The following DSCAM variants were observed in gnomAD, a reference collection of about 807,000 sequenced individuals.
DSCAM encodes DS cell adhesion molecule.
In DSCAM, 47 loss-of-function variants were observed where a neutral mutation model predicts 217.7. The ratio of observed to expected loss-of-function variants is 0.22; its 90% CI spans 0.17 to 0.28. DSCAM has a LOEUF of 0.28. DSCAM is among the 10% of genes least tolerant of loss of function. DSCAM has a pLI of 1.00. For missense variants in DSCAM, 2,080 were observed against 2,618.3 expected (o/e 0.79, Z 4.49); for synonymous variants, 1,056 against 1,015.3 (o/e 1.04, Z -0.76).
At chr21:40,225,409 C>A (rs910949491) in intron 11 of DSCAM, among the ~76,000 whole-genome samples, 1 of 152,134 alleles carries the variant, frequency 6.6e-6, no homozygotes, top group Non-Finnish European at 1.5e-5. Context: ...TCTCAAAACC[C>A]CTTACCCACA....
chr21:40,042,763 C>A, intron 31 of DSCAM, 90 bp from the exon 32 acceptor site: 1 of 1,299,386 alleles, frequency 7.7e-7, no homozygotes, highest in Non-Finnish European at 1.0e-6. Context: ...GGGCTGTTTT[C>A]TTCCAGATCA....
intron 3 of DSCAM, among the ~76,000 whole-genome samples, chr21:40,606,081 G>A (rs1186068288): frequency 6.6e-6 from 1 of 152,080 alleles, no homozygotes; most frequent in East Asian, 1.9e-4. Context: ...GATTACAGAT[G>A]TGAGCCACTG....
chr21:40,321,850 T>A (rs1224055285), intron 8 of DSCAM, among the ~76,000 whole-genome samples: 1 of 152,156 alleles, frequency 6.6e-6, no homozygotes, highest in Non-Finnish European at 1.5e-5. Context: ...CAACTGCACC[T>A]GACCCACCTC....
chr21:40,606,111 C>G (rs1259746444), intron 3 of DSCAM, among the ~76,000 whole-genome samples: 1 of 152,180 alleles, frequency 6.6e-6, no homozygotes, highest in Non-Finnish European at 1.5e-5. Flanking sequence ...AATGCACATT[C>G]TTATTTCCAT....
chr21:40,175,807 A>ACACACACACACG (rs531907462), intron 15 of DSCAM, among the ~76,000 whole-genome samples: 1 of 88,176 alleles, frequency 1.1e-5, no homozygotes, highest in Non-Finnish European at 2.6e-5. Flanking sequence ...ACACACACAC[A>ACACACACACACG]CGCACACACA....
At position 40,619,458 on chromosome 21, in the gene DSCAM, T is replaced by C. The variant is rs536898322; in HGVS notation, c.508+73352A>G. Among the ~76,000 whole-genome samples, 12 of 152,318 alleles carry C rather than the reference T, an allele frequency of 7.9e-5. No individual in the cohort carries two copies. In the South Asian group the frequency reaches 2.5e-3, roughly 32 times the overall value. ...TTTCAACAAAATATAATTTACCTATTGTTACGCAGTTCATATTTCTCCATT... is the reference window on the plus strand; with the variant it reads ...TTTCAACAAAATATAATTTACCTATCGTTACGCAGTTCATATTTCTCCATT... On this transcript the variant is annotated intron_variant, in intron 3 of 32. Coordinates refer to ENST00000400454, the MANE Select transcript of DSCAM (RefSeq NM_001389.5).
chr21:40,671,346 C>T (rs1003419733), intron 3 of DSCAM, among the ~76,000 whole-genome samples: 2 of 152,280 alleles, frequency 1.3e-5, no homozygotes, highest in African/African-American at 2.4e-5. Flanking sequence ...GGCGAACAGA[C>T]TAGCCTGAAC....
chr21:40,072,646 C>G (rs1421778331), intron 27 of DSCAM, among the ~76,000 whole-genome samples: 1 of 152,110 alleles, frequency 6.6e-6, no homozygotes, highest in Non-Finnish European at 1.5e-5. Flanking sequence ...CCGCACCCGG[C>G]CTCTCCTGTC....
chr21:40,319,557 A>G (rs2074237372), intron 8 of DSCAM, among the ~76,000 whole-genome samples: 1 of 152,204 alleles, frequency 6.6e-6, no homozygotes, highest in South Asian at 2.1e-4. Flanking sequence ...GTGGGATCAC[A>G]GGTACCCCCT....
intron 3 of DSCAM, among the ~76,000 whole-genome samples, chr21:40,412,804 T>C (rs544069319): frequency 6.6e-6 from 1 of 152,268 alleles, no homozygotes; most frequent in South Asian, 2.1e-4. Flanking sequence ...CCCAAGACAA[T>C]GGGGAAAATG....
chr21:40,224,028 T>C (rs962210386), intron 11 of DSCAM, among the ~76,000 whole-genome samples: 2 of 152,210 alleles, frequency 1.3e-5, no homozygotes, highest in African/African-American at 4.8e-5. Context: ...TGAAGCAAAA[T>C]GAATTTCTCA....
At chr21:40,422,055 G>A (rs2075429834) in intron 3 of DSCAM, among the ~76,000 whole-genome samples, 1 of 152,200 alleles carries the variant, frequency 6.6e-6, no homozygotes, top group East Asian at 1.9e-4. Context: ...TTAGACAAGG[G>A]ATGGCAATTA....
chr21:40,453,188 C>A (rs571032416), intron 3 of DSCAM, among the ~76,000 whole-genome samples: 1 of 151,844 alleles, frequency 6.6e-6, no homozygotes, highest in African/African-American at 2.4e-5. Context: ...TAATGTATAA[C>A]CTTTTTATCT....
rs1299924468 is a variant in DSCAM at position 40,744,779 on chromosome 21, T to C, written c.44-36008A>G. 3.3e-5 allele frequency among the ~76,000 whole-genome samples: 5 copies of C among 152,240 alleles called. No individual in the cohort carries two copies. In the East Asian group the frequency reaches 9.6e-4, roughly 29 times the overall value. On this transcript the variant is annotated intron_variant, in intron 1 of 32. Transcript: ENST00000400454. ...CAAAAACAATCTCAGGGAAATATGA[T>C]GCCACCAAAAGAAACAAACAAAACT...
At chr21:40,753,084 G>A (rs1226246578) in intron 1 of DSCAM, among the ~76,000 whole-genome samples, 1 of 152,142 alleles carries the variant, frequency 6.6e-6, no homozygotes, top group African/African-American at 2.4e-5. Context: ...ACACCTCAAT[G>A]CCAGACTTGC....
At chr21:40,802,713 T>TCA (rs1245610510) in intron 1 of DSCAM, among the ~76,000 whole-genome samples, 1 of 152,160 alleles carries the variant, frequency 6.6e-6, no homozygotes, top group Non-Finnish European at 1.5e-5. Flanking sequence ...ACTCAGCCCT[T>TCA]CACCATGTGA....
At chr21:40,655,256 C>T (rs1358538776) in intron 3 of DSCAM, among the ~76,000 whole-genome samples, 1 of 152,104 alleles carries the variant, frequency 6.6e-6, no homozygotes, top group Non-Finnish European at 1.5e-5. Context: ...ACACAAGAGA[C>T]CAGGTCATTT....
Position 40,042,328 on chromosome 21 carries a change from C to T in DSCAM, c.5686+43G>A, listed in dbSNP as rs375844842. Reference sequence around the variant, plus strand: ...CAGATGAGGGAGGACCAGGAAGGTGCACTTCCCTAAGCGACGGCCCCCAGG... The same window carrying T: ...CAGATGAGGGAGGACCAGGAAGGTGTACTTCCCTAAGCGACGGCCCCCAGG... On this transcript the variant is annotated intron_variant, in intron 32 of 32. Coordinates refer to ENST00000400454, the MANE Select transcript of DSCAM (RefSeq NM_001389.5). 221 of 1,589,188 alleles carry T rather than the reference C, an allele frequency of 1.4e-4. 3 individuals are homozygous for T. In the East Asian group the frequency reaches 2.3e-3, roughly 16 times the overall value.
intron 27 of DSCAM, among the ~76,000 whole-genome samples, chr21:40,073,117 A>G (rs548971443): frequency 9.8e-5 from 15 of 152,296 alleles, no homozygotes; most frequent in African/African-American, 3.4e-4. Flanking sequence ...AGCACCTTTA[A>G]CTGGAGGTGC....
Sources: gnomAD v4.1 joint callset for allele counts (sites outside exome capture counted in the v4.1 genomes callset) on GRCh38, gnomAD v4.1.1 for gene constraint, MANE v1.5 for transcripts, NCBI Gene and HGNC (gene_info 2026-07-23, HGNC 2026-07-21) for gene names.